TMEM182: variants seen among roughly 807,000 people sequenced by gnomAD.
The protein encoded by TMEM182 is transmembrane protein 182.
In TMEM182, 20 loss-of-function variants were observed where a neutral mutation model predicts 26.8. The observed-to-expected ratio is 0.75, with a 90% CI of 0.53 to 1.09. The LOEUF (loss-of-function observed/expected upper bound fraction) is 1.09, where lower values mean the gene tolerates loss of function less well. Among genes scored for constraint, TMEM182 ranks in the 50% least tolerant of loss-of-function variants. TMEM182 has a pLI of 0.00. For missense variants in TMEM182, 277 were observed against 275.5 expected, an observed-to-expected ratio of 1.01 and a Z score of -0.04; for synonymous variants, 109 against 102.2, an observed-to-expected ratio of 1.07 and a Z score of -0.40.
In TMEM182 at chr2:102,815,531, C is replaced by T; in HGVS notation, c.*563C>T. 1 of 985,784 alleles carries T rather than the reference C, an allele frequency of 1.0e-6. No homozygotes were observed. Among genetic ancestry groups the T allele is most frequent in the Non-Finnish European group, 1.2e-6 (1 of 830,226 alleles). 61.1% of individuals were successfully genotyped at this position (985,784 alleles called of 1,614,324 possible). A position where few individuals can be genotyped will look rare whatever the true frequency, so the allele number is the denominator to read the frequency against. On this transcript the variant is annotated 3_prime_UTR_variant, in exon 5 of 5. Transcript: ENST00000412401. ...ACCAGTTAAAATGGGCCACAACAAA[C>T]AAGACTGAGAGCATGTACTTATCTT...
At chr2:102,821,797 G>C (rs1682921142), downstream of TMEM182, among the ~76,000 whole-genome samples, 1 of 151,968 alleles carries the variant, frequency 6.6e-6, no homozygotes, top group Non-Finnish European at 1.5e-5. Flanking sequence ...GACCACCCTG[G>C]CTAACATGGT....
intron 1 of TMEM182, among the ~76,000 whole-genome samples, chr2:102,746,469 T>C: frequency 6.6e-6 from 1 of 152,226 alleles, no homozygotes; most frequent in South Asian, 2.1e-4. Context: ...TTGTTACTTA[T>C]GCTTTTGCTG....
intron 1 of TMEM182, among the ~76,000 whole-genome samples, chr2:102,752,708 T>G (rs1411422261): frequency 6.6e-6 from 1 of 152,252 alleles, no homozygotes; most frequent in African/African-American, 2.4e-5. Flanking sequence ...TAGAGCCTCT[T>G]ACAAGCACCT....
intron 3 of TMEM182, among the ~76,000 whole-genome samples, chr2:102,822,766 A>G (rs905022305): frequency 1.3e-5 from 2 of 152,192 alleles, no homozygotes; most frequent in Non-Finnish European, 2.9e-5. Context: ...GAAGAGGGCC[A>G]TGAAAAAAGT....
intron 4 of TMEM182, among the ~76,000 whole-genome samples, chr2:102,812,353 GTC>G (rs149818584): frequency 1.9e-4 from 26 of 136,316 alleles, no homozygotes; most frequent in Admixed American, 2.2e-4. Flanking sequence ...CTCATTGTCT[GTC>G]TCTCTCTCTC....
chr2:102,762,604 T>C lies in TMEM182; in HGVS notation c.150T>C (p.Phe50=). Residue 50 remains phenylalanine, a synonymous_variant, in exon 2 of 5, where the codon TTT becomes TTC. Transcript: ENST00000412401. ...SGEKNIENVT[F]HHEGFFWRCW... is the part of the protein sequence containing the mutation. ...CTGTGCAGATAGAGAACGTCACTTT[T>C]CACCATGAAGGGTTCTTCTGGAGGT... is the stretch of plus-strand genomic sequence containing the variant. 4.3e-6 allele frequency: 7 copies of C among 1,613,836 alleles called. No individual in the cohort carries two copies. The highest frequency in any genetic ancestry group is 5.9e-6 in the Non-Finnish European group (7 of 1,179,898).
In TMEM182 at chr2:102,762,047, C is replaced by A. The variant is rs115087473; in HGVS notation, c.-171C>A. ...AGGGAATATGAATCTGCCGGTGGGG[C>A]GTGAGCGAGAAGCCACCAAAACATG... On this transcript the variant is annotated 5_prime_UTR_variant, in exon 1 of 5. Coordinates refer to ENST00000412401, the MANE Select transcript of TMEM182 (RefSeq NM_144632.5). 1 of 546,444 alleles carries A rather than the reference C, an allele frequency of 1.8e-6. No individual in the cohort carries two copies. Among genetic ancestry groups the A allele is most frequent in the Non-Finnish European group, 3.2e-6 (1 of 315,072 alleles). 33.8% of individuals were successfully genotyped at this position (546,444 alleles called of 1,614,324 possible).
chr2:102,803,752 T>C (rs972802216), intron 4 of TMEM182, among the ~76,000 whole-genome samples: 3 of 152,144 alleles, frequency 2.0e-5, no homozygotes, highest in Non-Finnish European at 4.4e-5. Context: ...TAAAGGAGGA[T>C]GTGGCGGCTG....
chr2:102,747,947 G>A (rs926776295), intron 1 of TMEM182, among the ~76,000 whole-genome samples: 1 of 152,128 alleles, frequency 6.6e-6, no homozygotes, highest in Non-Finnish European at 1.5e-5. Context: ...GACAGAAAGT[G>A]TGTGTGTGTG....
intron 3 of TMEM182, among the ~76,000 whole-genome samples, chr2:102,789,817 A>T (rs200119754): frequency 2.7e-5 from 2 of 74,538 alleles, no homozygotes; most frequent in African/African-American, 8.8e-5. Flanking sequence ...CCACTTTTCC[A>T]GGTTCCCCAT....
chr2:102,830,514 T>G (rs896060475), intron 3 of TMEM182, among the ~76,000 whole-genome samples: 2 of 152,146 alleles, frequency 1.3e-5, no homozygotes, highest in African/African-American at 4.8e-5. Context: ...TTTTTTTGGC[T>G]CTGGATTTTA....
chr2:102,810,856 T>TCTTGCTAAAGTCA (rs1321068479), intron 4 of TMEM182, among the ~76,000 whole-genome samples: 1 of 152,190 alleles, frequency 6.6e-6, no homozygotes, highest in African/African-American at 2.4e-5. Context: ...TATTTTCTAT[T>TCTTGCTAAAGTCA]CTTGCTAAAG....
Position 102,815,329 on chromosome 2 carries a change from C to T in TMEM182, c.*361C>T. The stretch of plus-strand genomic sequence containing the variant: ...TGGCTTAAAGTCTCCTTGGCATTCA[C>T]TTCTGCTAATTAAAAAAAATCCTTG... On this transcript the variant is annotated 3_prime_UTR_variant, in exon 5 of 5. Transcript: ENST00000412401. 1.0e-6 allele frequency: 1 copy of T among 1,001,874 alleles called. No homozygotes were observed. The highest frequency in any genetic ancestry group is 1.2e-6 in the Non-Finnish European group (1 of 841,306). The allele number at this position is 1,001,874 out of a possible 1,614,324, so 62.1% of individuals were successfully genotyped here. A position where few individuals can be genotyped will look rare whatever the true frequency, so the allele number is the denominator to read the frequency against.
At chr2:102,764,296 T>G in intron 2 of TMEM182, 33 bp from the exon 3 acceptor site, 1 of 1,603,174 alleles carries the variant, frequency 6.2e-7, no homozygotes, top group African/African-American at 1.3e-5. Flanking sequence ...AGCTTTTCAA[T>G]AACAAGTGCC....
upstream of TMEM182, among the ~76,000 whole-genome samples, chr2:102,759,025 T>C (rs1680129765): frequency 6.6e-6 from 1 of 152,150 alleles, no homozygotes; most frequent in African/African-American, 2.4e-5. Flanking sequence ...AAACCAAAAA[T>C]GGTGAGAAAA....
chr2:102,764,405 G>A lies in TMEM182; in HGVS notation c.309G>A (p.Ser103=), dbSNP rs746057454. The change falls in exon 3 of 5, where the codon TCG becomes TCA. Residue 103 remains serine (S), a synonymous_variant. Coordinates refer to ENST00000412401, the MANE Select transcript of TMEM182 (RefSeq NM_144632.5). The part of the protein sequence containing the change: ...PYPFMRGEHN[S]TSYDSAVIYR... ...CCTTCATGAGAGGCGAGCACAACTC[G>A]ACCTCCTATGACTCTGCAGTTAGTA... 19 of 1,613,504 alleles carry A rather than the reference G, an allele frequency of 1.2e-5. No individual in the cohort carries two copies. Among genetic ancestry groups the A allele is most frequent in the Admixed American group, 6.7e-5 (4 of 59,970 alleles).
intron 1 of TMEM182, among the ~76,000 whole-genome samples, chr2:102,742,018 A>G (rs1270822166): frequency 6.6e-6 from 1 of 152,278 alleles, no homozygotes; most frequent in Non-Finnish European, 1.5e-5. Context: ...AAGAGAAAAC[A>G]TAATCTGAAG....
chr2:102,782,264 T>G (rs1681201216), intron 3 of TMEM182, among the ~76,000 whole-genome samples: 2 of 151,832 alleles, frequency 1.3e-5, no homozygotes, highest in Admixed American at 1.3e-4. Flanking sequence ...AGGCGGAGGT[T>G]ACAGTGAGCC....
chr2:102,758,326 A>C (rs1246973955), upstream of TMEM182: 3 of 618,550 alleles, frequency 4.9e-6, no homozygotes, highest in Non-Finnish European at 8.8e-6. Flanking sequence ...GTGCATGGAC[A>C]TTTTCTTAGG....
Sources: gnomAD v4.1 joint callset for allele counts (sites outside exome capture counted in the v4.1 genomes callset) on GRCh38, gnomAD v4.1.1 for gene constraint, MANE v1.5 for transcripts, NCBI Gene and HGNC (gene_info 2026-07-23, HGNC 2026-07-21) for gene names.